KIF15: variants seen among roughly 807,000 people sequenced by gnomAD.
The protein encoded by KIF15 is kinesin-like protein KIF15.
Under a neutral mutation model 190.6 loss-of-function variants are expected in KIF15, and 140 were observed. The observed-to-expected ratio is 0.73, with a 90% CI of 0.64 to 0.84. The LOEUF (loss-of-function observed/expected upper bound fraction) is 0.84, where lower values mean the gene tolerates loss of function less well. Ranked by LOEUF, KIF15 falls within the 40% of genes least tolerant of loss-of-function variation. The pLI, the probability that KIF15 is intolerant of heterozygous loss-of-function variation, is 0.00. For synonymous variants in KIF15, 528 were observed against 551.3 expected, an observed-to-expected ratio of 0.96 and a Z score of 0.59; for missense variants, 1,372 against 1,584.4, an observed-to-expected ratio of 0.87 and a Z score of 2.28.
At chr3:44,810,775 A>G (rs959539897) in intron 16 of KIF15, 71 bp from the exon 17 acceptor site, 3 of 1,242,356 alleles carry the variant, frequency 2.4e-6, no homozygotes, top group Non-Finnish European at 2.3e-6. Flanking sequence ...TATCCTCTCT[A>G]TTCACAAAAT....
At chr3:44,842,250 T>G (rs936146475) in intron 29 of KIF15, among the ~76,000 whole-genome samples, 1 of 152,224 alleles carries the variant, frequency 6.6e-6, no homozygotes, top group Non-Finnish European at 1.5e-5. Context: ...GTTTTCCATT[T>G]TTTTAAGCTT....
chr3:44,785,131 A>G lies in KIF15; in HGVS notation c.459+189A>G, dbSNP rs75881430. 2.8e-3 allele frequency among the ~76,000 whole-genome samples: 419 copies of G among 152,340 alleles called. 2 individuals carry two copies. The highest frequency in any genetic ancestry group is 9.4e-3 in the African/African-American group (390 of 41,580). Reference sequence around the variant, plus strand: ...AAGGATTCTGAGTTGTTTTATCTCAACTGAGTTTTTAGTTTATAAAACATG... The same window carrying G: ...AAGGATTCTGAGTTGTTTTATCTCAGCTGAGTTTTTAGTTTATAAAACATG... On this transcript the variant is annotated intron_variant, in intron 6 of 34. Coordinates refer to ENST00000326047, the MANE Select transcript of KIF15 (RefSeq NM_020242.3).
chr3:44,834,352 T>C (rs988893609), intron 26 of KIF15, among the ~76,000 whole-genome samples: 2 of 152,240 alleles, frequency 1.3e-5, no homozygotes, highest in Non-Finnish European at 2.9e-5. Flanking sequence ...AGAAAGTGAC[T>C]GTTATTTGCA....
At position 44,852,744 on chromosome 3, in the gene KIF15, G is replaced by T; in HGVS notation, c.*9G>T. On this transcript the variant is annotated 3_prime_UTR_variant, in exon 35 of 35. Coordinates refer to ENST00000326047, the MANE Select transcript of KIF15 (RefSeq NM_020242.3). ...AAAGAAGTGAATCTTGAGGATTCCG[G>T]TCAGCTACCTAGGCATCACCTTGTT... The T allele has an allele frequency of 2.5e-6, 4 of 1,590,646 alleles. No homozygotes were observed. The highest frequency in any genetic ancestry group is 3.4e-6 in the Non-Finnish European group (4 of 1,171,468).
At chr3:44,790,282 AT>A (rs1706623417) in intron 7 of KIF15, among the ~76,000 whole-genome samples, 1 of 151,832 alleles carries the variant, frequency 6.6e-6, no homozygotes, top group Non-Finnish European at 1.5e-5. Flanking sequence ...GGTTCAAACG[AT>A]TCTTGTGCCT....
intron 1 of KIF15, among the ~76,000 whole-genome samples, chr3:44,770,457 T>A (rs1186156925): frequency 1.3e-5 from 2 of 152,178 alleles, no homozygotes; most frequent in Non-Finnish European, 2.9e-5. Flanking sequence ...CCCAAGAGCA[T>A]AGGGTTCCTG....
rs201784280 is a variant in KIF15 at position 44,784,918 on chromosome 3, C to T, written c.435C>T (p.Ser145=). 3.2e-6 allele frequency: 5 copies of T among 1,565,850 alleles called. No homozygotes were observed. The African/African-American group carries it at 4.1e-5, about 13-fold the overall frequency. Reference sequence around the variant, plus strand: ...CACGAAGTTTTGAATATTTGTTTTCCTTAATTGATCGTGAAAAAGAAAAGG... The same window carrying T: ...CACGAAGTTTTGAATATTTGTTTTCTTTAATTGATCGTGAAAAAGAAAAGG... ...VIPRSFEYLF[S]LIDREKEKAG... The change falls in exon 6 of 35, where the codon TCC becomes TCT. Residue 145 remains serine (S), a synonymous_variant. Coordinates refer to ENST00000326047, the MANE Select transcript of KIF15 (RefSeq NM_020242.3).
At chr3:44,766,784 ATTTTC>A (rs1196119339) in intron 1 of KIF15, among the ~76,000 whole-genome samples, 4 of 136,372 alleles carry the variant, frequency 2.9e-5, no homozygotes, top group African/African-American at 8.2e-5. Context: ...AGAGGCTTTA[ATTTTC>A]TTTTCTTTTC....
intron 32 of KIF15, among the ~76,000 whole-genome samples, chr3:44,850,264 A>C (rs1359668032): frequency 6.6e-6 from 1 of 152,204 alleles, no homozygotes; most frequent in Non-Finnish European, 1.5e-5. Flanking sequence ...TATACATAGG[A>C]AAACAGCCTT....
intron 6 of KIF15, among the ~76,000 whole-genome samples, chr3:44,786,099 C>G (rs1383305215): frequency 1.3e-5 from 2 of 152,114 alleles, no homozygotes; most frequent in Non-Finnish European, 2.9e-5. Context: ...ACCTGTAGTC[C>G]CAGCTACTCG....
At chr3:44,864,370 T>C (rs754112954) in intron 6 of KIF15, 12 of 1,613,562 alleles carry the variant, frequency 7.4e-6, no homozygotes, top group Non-Finnish European at 1.0e-5. Flanking sequence ...TGTGGTGCTC[T>C]TGTCCTAAAT....
chr3:44,861,751 C>T (rs760736157), intron 6 of KIF15: 4 of 681,462 alleles, frequency 5.9e-6, no homozygotes, highest in Non-Finnish European at 9.4e-6. Context: ...GCCGCCACAG[C>T]CCAGGGTCTC....
intron 20 of KIF15, among the ~76,000 whole-genome samples, chr3:44,823,196 G>T (rs1425133284): frequency 6.6e-6 from 1 of 152,118 alleles, no homozygotes; most frequent in Admixed American, 6.6e-5. Flanking sequence ...GTTTTGGTAT[G>T]GATGCCCTTT....
chr3:44,797,673 A>C lies in KIF15; in HGVS notation c.972A>C (p.Leu324=), dbSNP rs1397923351. 14 of 1,613,854 alleles carry C rather than the reference A, an allele frequency of 8.7e-6. No individual in the cohort carries two copies. Among genetic ancestry groups the C allele is most frequent in the Admixed American group, 1.7e-5 (1 of 59,968 alleles). ...CYRDSKLTFL[L]RDSLGGNAKT... is the part of the protein sequence containing the mutation. ...GAGACTCCAAACTTACCTTCTTACT[A>C]CGGGTAAAGTAGATCCTTGGGTTCC... Residue 324 remains leucine, a synonymous_variant, in exon 9 of 35, where the codon CTA becomes CTC. Coordinates refer to ENST00000326047, the MANE Select transcript of KIF15 (RefSeq NM_020242.3).
intron 8 of KIF15, among the ~76,000 whole-genome samples, chr3:44,795,289 C>T (rs1169427524): frequency 6.6e-6 from 1 of 152,052 alleles, no homozygotes; most frequent in Non-Finnish European, 1.5e-5. Context: ...GCATGCCTGG[C>T]AGGGGGGCAT....
intron 1 of KIF15, among the ~76,000 whole-genome samples, chr3:44,767,225 G>A (rs527908315): frequency 2.8e-4 from 42 of 152,178 alleles, no homozygotes; most frequent in African/African-American, 7.7e-4. Flanking sequence ...TATTCTGCCC[G>A]CTAGGTTGAG....
chr3:44,763,253 C>T (rs1460574034), intron 1 of KIF15, among the ~76,000 whole-genome samples: 1 of 152,172 alleles, frequency 6.6e-6, no homozygotes, highest in Non-Finnish European at 1.5e-5. Flanking sequence ...GAAGAGAGCC[C>T]GTGCAGTGGT....
chr3:44,849,020 A>G (rs1698967813), intron 32 of KIF15, among the ~76,000 whole-genome samples: 1 of 152,218 alleles, frequency 6.6e-6, no homozygotes, highest in South Asian at 2.1e-4. Context: ...AGCCTTATAA[A>G]TGGCCTCACT....
At chr3:44,865,506 T>G in intron 6 of KIF15, 1 of 290,438 alleles carries the variant, frequency 3.4e-6, no homozygotes, top group Non-Finnish European at 6.7e-6. Flanking sequence ...ATTATTGTCC[T>G]GTTGCCAAAC....
Sources: allele counts gnomAD v4.1 joint callset (sites outside exome capture counted in the v4.1 genomes callset), GRCh38; gene constraint gnomAD v4.1.1; transcripts MANE v1.5; gene names NCBI Gene and HGNC (gene_info 2026-07-23, HGNC 2026-07-21).